POMK: variants seen among roughly 807,000 people sequenced by gnomAD.
POMK encodes protein O-mannose kinase.
Under a neutral mutation model 23.0 loss-of-function variants are expected in POMK, and 19 were observed. That is an observed-to-expected ratio of 0.83 (90% CI 0.58 to 1.21). The LOEUF (loss-of-function observed/expected upper bound fraction) is 1.21. Ranked by LOEUF, POMK falls within the 50% of genes most tolerant of loss-of-function variation. POMK has a pLI of 0.00. For synonymous variants in POMK, 173 were observed against 171.6 expected, an observed-to-expected ratio of 1.01 and a Z score of -0.06; for missense variants, 410 against 431.3, an observed-to-expected ratio of 0.95 and a Z score of 0.44.
At chr8:43,103,897 C>T in intron 4 of POMK, 67 bp downstream of exon 4, 1 of 1,484,612 alleles carries the variant, frequency 6.7e-7, no homozygotes, top group Middle Eastern at 1.7e-4. Context: ...TCCTCCAGCT[C>T]CATCCATGCT....
chr8:43,108,793 A>G (rs927037633), intron 4 of POMK, among the ~76,000 whole-genome samples: 1 of 152,240 alleles, frequency 6.6e-6, no homozygotes, highest in African/African-American at 2.4e-5. Flanking sequence ...AGAGGACCAA[A>G]TTAAAACAGC....
intron 4 of POMK, among the ~76,000 whole-genome samples, chr8:43,111,129 C>A (rs1408853119): frequency 6.6e-6 from 1 of 152,280 alleles, no homozygotes; most frequent in East Asian, 1.9e-4. Context: ...CGAGGCATTG[C>A]CCCACCCGGG....
intron 4 of POMK, among the ~76,000 whole-genome samples, chr8:43,112,713 C>G (rs923516327): frequency 4.6e-5 from 7 of 152,228 alleles, no homozygotes; most frequent in African/African-American, 1.7e-4. Flanking sequence ...AATAGCGGAT[C>G]TCTCAGCAGA....
chr8:43,101,413 A>G (rs550553850), intron 2 of POMK, among the ~76,000 whole-genome samples: 34 of 142,012 alleles, frequency 2.4e-4, no homozygotes, highest in African/African-American at 8.7e-4. Context: ...GTCAGACCCT[A>G]TGTCAAAAAA....
At chr8:43,094,431 T>A (rs1031819760) in intron 1 of POMK, among the ~76,000 whole-genome samples, 2 of 152,128 alleles carry the variant, frequency 1.3e-5, no homozygotes, top group Non-Finnish European at 2.9e-5. Context: ...CTGTCTCAGC[T>A]CTTTGCCTTT....
chr8:43,122,664 T>G lies in POMK; in HGVS notation c.840T>G (p.Ile280Met), dbSNP rs1464505894. The G allele has an allele frequency of 6.2e-7, 1 of 1,614,174 alleles. No individual in the cohort carries two copies. The highest frequency in any genetic ancestry group is 1.1e-5 in the South Asian group (1 of 91,078). ...DDLMPSYDEK[I>M]DIWKIPDISS... is the part of the protein sequence containing the mutation. Reference sequence around the variant, plus strand: ...TCATGCCCTCATATGATGAGAAGATTGACATTTGGAAGATCCCAGACATCT... The same window carrying G: ...TCATGCCCTCATATGATGAGAAGATGGACATTTGGAAGATCCCAGACATCT... Residue 280 changes from isoleucine to methionine, a missense_variant, in exon 5 of 5, where the codon ATT becomes ATG. By Grantham distance (10) the Ile-to-Met change is conservative. Transcript: ENST00000331373.
At chr8:43,117,768 G>C (rs1009247655) in intron 4 of POMK, among the ~76,000 whole-genome samples, 8 of 152,180 alleles carry the variant, frequency 5.3e-5, no homozygotes, top group African/African-American at 1.9e-4. Flanking sequence ...TACAAACAGT[G>C]GTAATAATCT....
chr8:43,111,496 C>T (rs890429971), intron 4 of POMK, among the ~76,000 whole-genome samples: 2 of 152,218 alleles, frequency 1.3e-5, no homozygotes, highest in African/African-American at 4.8e-5. Context: ...CCTCTGGGGG[C>T]AGGGCACAGA....
At chr8:43,113,589 T>C (rs1811727823) in intron 4 of POMK, among the ~76,000 whole-genome samples, 1 of 152,254 alleles carries the variant, frequency 6.6e-6, no homozygotes, top group Admixed American at 6.5e-5. Context: ...TTTGATTGTC[T>C]GAAGCCTTCT....
chr8:43,122,514 C>T lies in POMK; in HGVS notation c.690C>T (p.Ala230=), dbSNP rs1442787394. The change falls in exon 5 of 5, where the codon GCC becomes GCT. Residue 230 remains alanine (A), a synonymous_variant. Transcript: ENST00000331373. The part of the protein sequence containing the change: ...NFSILANDLD[A]LPLVNHSSGM... ...GCATTTTGGCAAATGACTTGGACGC[C>T]TTACCCCTGGTGAACCACAGCTCCG... 5 of 1,614,150 alleles carry T rather than the reference C, an allele frequency of 3.1e-6. No individual in the cohort carries two copies. Among genetic ancestry groups the T allele is most frequent in the East Asian group, 2.2e-5 (1 of 44,870 alleles).
At chr8:43,110,340 T>A (rs1216651303) in intron 4 of POMK, among the ~76,000 whole-genome samples, 1 of 152,194 alleles carries the variant, frequency 6.6e-6, no homozygotes, top group African/African-American at 2.4e-5. Context: ...CCAGTGTAGC[T>A]AGGGAGTGTG....
intron 4 of POMK, among the ~76,000 whole-genome samples, chr8:43,112,807 C>G (rs1481662611): frequency 9.2e-5 from 14 of 152,150 alleles, no homozygotes; most frequent in Non-Finnish European, 1.5e-4. Context: ...TCATATCCAG[C>G]CAAACTAAGC....
At chr8:43,099,813 GGT>G (rs1811402366) in intron 2 of POMK, among the ~76,000 whole-genome samples, 1 of 152,114 alleles carries the variant, frequency 6.6e-6, no homozygotes, top group Admixed American at 6.5e-5. Flanking sequence ...CTTGGGAACT[GGT>G]GGAAATGCTC....
intron 4 of POMK, among the ~76,000 whole-genome samples, chr8:43,119,903 G>A (rs1811877486): frequency 6.7e-6 from 1 of 150,086 alleles, no homozygotes; most frequent in Non-Finnish European, 1.5e-5. Flanking sequence ...ATGGTCCTTG[G>A]GTCTAACTCC....
intron 4 of POMK, among the ~76,000 whole-genome samples, chr8:43,115,844 A>G (rs558825272): frequency 1.3e-5 from 2 of 152,140 alleles, no homozygotes; most frequent in Non-Finnish European, 2.9e-5. Flanking sequence ...GCCTCCCTCC[A>G]GCTCTCTCCT....
Position 43,122,910 on chromosome 8 carries a change from G to A in POMK, c.*33G>A, listed in dbSNP as rs1481968018. On this transcript the variant is annotated 3_prime_UTR_variant, in exon 5 of 5. Transcript: ENST00000331373. ...TCCAGCCAATGAAGGTGGGATTGAA[G>A]GGCTGAATGGAAGTTACAGCATTCT... is the stretch of plus-strand genomic sequence containing the variant. 6.4e-7 allele frequency: 1 copy of A among 1,555,462 alleles called. No homozygotes were observed. The highest frequency in any genetic ancestry group is 2.3e-5 in the East Asian group (1 of 44,438).
intron 4 of POMK, among the ~76,000 whole-genome samples, chr8:43,121,719 T>C (rs1472511209): frequency 6.6e-6 from 1 of 152,150 alleles, no homozygotes; most frequent in African/African-American, 2.4e-5. Context: ...TTGCCACTCC[T>C]CCCTGCCATG....
rs143879291 is a variant in POMK, at chr8:43,118,096, A to C, written c.283-4011A>C. ...GAATCCAGTCTATTTTGACAGCATC[A>C]ATTCCAAATTCCTGGTATTTTTATT... On this transcript the variant is annotated intron_variant, in intron 4 of 4. Coordinates refer to ENST00000331373, the MANE Select transcript of POMK (RefSeq NM_032237.5). Among the ~76,000 whole-genome samples the C allele has an allele frequency of 2.5e-3, 383 of 152,334 alleles. 2 individuals are homozygous for C. Among genetic ancestry groups the C allele is most frequent in the South Asian group, 0.011 (53 of 4,828 alleles).
At chr8:43,113,441 A>T (rs1811724652) in intron 4 of POMK, among the ~76,000 whole-genome samples, 1 of 152,046 alleles carries the variant, frequency 6.6e-6, no homozygotes, top group Non-Finnish European at 1.5e-5. Context: ...GTAGTTCTCG[A>T]GCCTTGGCTT....
Sources: allele counts gnomAD v4.1 joint callset (sites outside exome capture counted in the v4.1 genomes callset), GRCh38; gene constraint gnomAD v4.1.1; transcripts MANE v1.5; gene names NCBI Gene and HGNC (gene_info 2026-07-23, HGNC 2026-07-21).